DCC: variants seen among roughly 807,000 people sequenced by gnomAD.
DCC encodes the protein DCC netrin 1 receptor.
DCC carries 58 observed loss-of-function variants against 172.5 expected under a neutral mutation model. That is an observed-to-expected ratio of 0.34 (90% CI 0.27 to 0.42). DCC has a LOEUF of 0.42. DCC is among the 10% of genes least tolerant of loss of function. The pLI, the probability that DCC is intolerant of heterozygous loss-of-function variation, is 1.00. For missense variants in DCC, 1,740 were observed against 1,791.0 expected, an observed-to-expected ratio of 0.97 and a Z score of 0.51; for synonymous variants, 709 against 644.5, an observed-to-expected ratio of 1.10 and a Z score of -1.52.
At chr18:52,762,270 C>T (rs2037173304) in intron 2 of DCC, among the ~76,000 whole-genome samples, 1 of 150,602 alleles carries the variant, frequency 6.6e-6, no homozygotes, top group Non-Finnish European at 1.5e-5. Context: ...CCCAGGAATT[C>T]AAGATCAGCA....
intron 2 of DCC, among the ~76,000 whole-genome samples, chr18:52,752,886 CATA>C (rs2037019336): frequency 6.6e-6 from 1 of 152,000 alleles, no homozygotes; most frequent in Non-Finnish European, 1.5e-5. Context: ...TTTCCCTTAG[CATA>C]ATATCCTGTA....
intron 7 of DCC, among the ~76,000 whole-genome samples, chr18:53,128,866 C>CATATATATAT (rs1304598836): frequency 1.2e-5 from 1 of 86,928 alleles, no homozygotes; most frequent in East Asian, 4.9e-4. Flanking sequence ...CACACACACA[C>CATATATATAT]ACACATATAT....
chr18:52,890,249 AC>A (rs2039628959), intron 2 of DCC, among the ~76,000 whole-genome samples: 1 of 152,148 alleles, frequency 6.6e-6, no homozygotes, highest in South Asian at 2.1e-4. Flanking sequence ...AGCAATTCCA[AC>A]CAAGGCTTAA....
At chr18:53,221,453 T>C (rs1342965219) in intron 12 of DCC, among the ~76,000 whole-genome samples, 1 of 152,180 alleles carries the variant, frequency 6.6e-6, no homozygotes, top group Non-Finnish European at 1.5e-5. Context: ...TGTGGCTAGA[T>C]GAAAAGTGAA....
chr18:52,596,393 A>C (rs1187699974), intron 1 of DCC, among the ~76,000 whole-genome samples: 1 of 152,206 alleles, frequency 6.6e-6, no homozygotes, highest in Non-Finnish European at 1.5e-5. Context: ...CAGTGAATCT[A>C]CAGAAATCTT....
At chr18:53,260,085 AT>A (rs1318144524) in intron 12 of DCC, among the ~76,000 whole-genome samples, 2 of 151,974 alleles carry the variant, frequency 1.3e-5, no homozygotes, top group Non-Finnish European at 2.9e-5. Flanking sequence ...TGCATTGGTT[AT>A]TCTAGTTATC....
chr18:53,512,705 G>C (rs1156757894), intron 27 of DCC, among the ~76,000 whole-genome samples: 1 of 151,590 alleles, frequency 6.6e-6, no homozygotes, highest in Non-Finnish European at 1.5e-5. Context: ...GGAAGAAAGG[G>C]TATCAGCAAT....
chr18:52,513,366 T>G (rs375433804), intron 1 of DCC, among the ~76,000 whole-genome samples: 105 of 152,210 alleles, frequency 6.9e-4, no homozygotes, highest in African/African-American at 2.5e-3. Context: ...ACCTAATCTC[T>G]CTGATTCTTT....
chr18:52,619,024 G>A (rs1004467639), intron 1 of DCC, among the ~76,000 whole-genome samples: 11 of 152,020 alleles, frequency 7.2e-5, no homozygotes, highest in Admixed American at 2.0e-4. Context: ...TGCAACCTCC[G>A]CCTCCCAGGC....
At chr18:53,229,698 G>A (rs140134750) in intron 12 of DCC, among the ~76,000 whole-genome samples, 129 of 152,064 alleles carry the variant, frequency 8.5e-4, no homozygotes, top group African/African-American at 2.9e-3. Flanking sequence ...AGAGAAGGGC[G>A]GATGCTAGGA....
intron 25 of DCC, among the ~76,000 whole-genome samples, chr18:53,483,352 TC>T (rs2145214924): frequency 6.6e-6 from 1 of 152,024 alleles, no homozygotes; most frequent in South Asian, 2.1e-4. Context: ...AAACTATGTA[TC>T]CCCTCATATA....
chr18:53,181,489 A>G (rs747930626), intron 9 of DCC, among the ~76,000 whole-genome samples: 15 of 151,488 alleles, frequency 9.9e-5, no homozygotes, highest in Non-Finnish European at 1.8e-4. Context: ...CTGGCTAAGA[A>G]CACTCATTCC....
At chr18:53,136,342 G>A (rs2043742531) in intron 7 of DCC, among the ~76,000 whole-genome samples, 1 of 151,850 alleles carries the variant, frequency 6.6e-6, no homozygotes, top group Non-Finnish European at 1.5e-5. Context: ...TTTGTGTGTT[G>A]TGAACAGAGA....
chr18:52,521,082 G>T (rs1390509881), intron 1 of DCC, among the ~76,000 whole-genome samples: 1 of 152,026 alleles, frequency 6.6e-6, no homozygotes, highest in Non-Finnish European at 1.5e-5. Flanking sequence ...AATTCATTTT[G>T]TCTAGGAAAC....
Position 53,020,106 on chromosome 18 carries a change from C to T in DCC, c.986-43199C>T, listed in dbSNP as rs368686366. Reference sequence around the variant, plus strand: ...CTACATCTACAACCCAGCCCCAGGTCAATTTCCCTTACTAGATTGTAGACC... The same window carrying T: ...CTACATCTACAACCCAGCCCCAGGTTAATTTCCCTTACTAGATTGTAGACC... On this transcript the variant is annotated intron_variant, in intron 5 of 28. Coordinates refer to ENST00000442544, the MANE Select transcript of DCC (RefSeq NM_005215.4). 9.9e-5 allele frequency among the ~76,000 whole-genome samples: 15 copies of T among 152,210 alleles called. 1 individual carries two copies. Among genetic ancestry groups the T allele is most frequent in the African/African-American group, 3.6e-4 (15 of 41,530 alleles).
At chr18:52,470,515 T>A (rs1988916704) in intron 1 of DCC, among the ~76,000 whole-genome samples, 1 of 152,132 alleles carries the variant, frequency 6.6e-6, no homozygotes, top group Non-Finnish European at 1.5e-5. Flanking sequence ...TACTCTGGGA[T>A]CCATCAGATT....
In DCC at chr18:52,927,119, G is replaced by GTATATATACGTGTA. The variant is rs1468988769; in HGVS notation, c.985+1755_985+1756insTACGTGTATATATA. The stretch of plus-strand genomic sequence containing the variant: ...TACGTGTATATACACGTATATACGT[G>GTATATATACGTGTA]TATATACACGTATATACGTGTATAT... On this transcript the variant is annotated intron_variant, in intron 5 of 28. Coordinates refer to ENST00000442544, the MANE Select transcript of DCC (RefSeq NM_005215.4). 5.4e-4 allele frequency among the ~76,000 whole-genome samples: 47 copies of GTATATATACGTGTA among 87,622 alleles called. 9 individuals carry two copies. The highest frequency in any genetic ancestry group is 9.9e-4 in the Non-Finnish European group (39 of 39,322). The allele number at this position is 87,622 out of a possible 152,430, so 57.5% of individuals were successfully genotyped here.
chr18:52,663,302 C>G (rs1263631876), intron 1 of DCC, among the ~76,000 whole-genome samples: 1 of 152,094 alleles, frequency 6.6e-6, no homozygotes, highest in Non-Finnish European at 1.5e-5. Context: ...GAGGAAGACT[C>G]AGAACCCAAG....
chr18:53,408,420 C>T (rs1909795716), intron 19 of DCC, among the ~76,000 whole-genome samples: 1 of 152,192 alleles, frequency 6.6e-6, no homozygotes, highest in Admixed American at 6.5e-5. Context: ...CCAGAAACCA[C>T]CCTCAGTTCC....
Sources: gnomAD v4.1 joint callset for allele counts (sites outside exome capture counted in the v4.1 genomes callset) on GRCh38, gnomAD v4.1.1 for gene constraint, MANE v1.5 for transcripts, NCBI Gene and HGNC (gene_info 2026-07-23, HGNC 2026-07-21) for gene names.